Variants in EXOC6 observed in about 807,000 individuals in gnomAD.
The protein encoded by EXOC6 is SEC15-like 1.
EXOC6 carries 60 observed loss-of-function variants against 112.5 expected under a neutral mutation model. That is an observed-to-expected ratio of 0.53 (90% confidence interval 0.43 to 0.66). EXOC6 has a LOEUF of 0.66. EXOC6 is among the 30% of genes least tolerant of loss of function. The pLI is 0.00. For synonymous variants in EXOC6, 295 were observed against 308.0 expected, an observed-to-expected ratio of 0.96 and a Z score of 0.44; for missense variants, 855 against 957.1, an observed-to-expected ratio of 0.89 and a Z score of 1.41.
At chr10:92,985,272 G>A (rs1564887296) in intron 18 of EXOC6, among the ~76,000 whole-genome samples, 1 of 151,952 alleles carries the variant, frequency 6.6e-6, no homozygotes, top group African/African-American at 2.4e-5. Flanking sequence ...TTTCCATCCC[G>A]TTTCTCATTT....
chr10:92,954,814 C>A, intron 16 of EXOC6, 73 bp downstream of exon 16: 1 of 688,526 alleles, frequency 1.5e-6, no homozygotes, highest in South Asian at 1.9e-5. Flanking sequence ...TGCTGAACGT[C>A]ATTCTGTAAA....
chr10:92,967,773 G>C (rs1842127830), intron 17 of EXOC6, among the ~76,000 whole-genome samples: 1 of 152,174 alleles, frequency 6.6e-6, no homozygotes, highest in African/African-American at 2.4e-5. Flanking sequence ...TCTTTGCCTG[G>C]CGATAGAAGG....
intron 1 of EXOC6, among the ~76,000 whole-genome samples, chr10:92,862,642 TTATAGCAGTCCATA>T (rs1425261919): frequency 6.6e-6 from 1 of 152,198 alleles, no homozygotes; most frequent in Non-Finnish European, 1.5e-5. Flanking sequence ...CAGTATTTAG[TTATAGCAGTCCATA>T]TGGACTGCTA....
chr10:92,853,340 A>G (rs1438865409), intron 1 of EXOC6, among the ~76,000 whole-genome samples: 1 of 152,218 alleles, frequency 6.6e-6, no homozygotes, highest in Non-Finnish European at 1.5e-5. Flanking sequence ...CTAGATATTC[A>G]AGATAATCTG....
Position 92,893,474 on chromosome 10 carries a change from C to A in EXOC6, c.227C>A (p.Ala76Asp). 1 of 1,612,242 alleles carries A rather than the reference C, an allele frequency of 6.2e-7. No individual in the cohort carries two copies. The highest frequency in any genetic ancestry group is 8.5e-7 in the Non-Finnish European group (1 of 1,178,994). ...CNFHHQGFVD[A>D]ITELLKVRTD... ...TTTCATCATCAGGGTTTTGTAGATG[C>A]TATTACAGAACTCCTTAAAGTAAGG... Residue 76 changes from alanine to aspartate, a missense_variant, in exon 2 of 22, where the codon GCT (alanine) becomes GAT (aspartate). This residue lies in a region of EXOC6 where 405 missense variants were observed against 393.6 expected (regional missense o/e 1.03). Coordinates refer to ENST00000260762, the MANE Select transcript of EXOC6 (RefSeq NM_019053.6).
intron 19 of EXOC6, among the ~76,000 whole-genome samples, chr10:93,000,907 C>A (rs1032534369): frequency 1.3e-5 from 2 of 151,976 alleles, no homozygotes; most frequent in African/African-American, 4.8e-5. Flanking sequence ...ATATATAAAT[C>A]GTTTAAAAAA....
chr10:93,006,785 A>G (rs926374829), intron 19 of EXOC6, among the ~76,000 whole-genome samples: 1 of 152,250 alleles, frequency 6.6e-6, no homozygotes, highest in Admixed American at 6.5e-5. Context: ...TGAAATTACA[A>G]GAAGTATCTT....
chr10:92,988,187 C>T (rs958097616), intron 18 of EXOC6, among the ~76,000 whole-genome samples: 2 of 152,192 alleles, frequency 1.3e-5, no homozygotes, highest in African/African-American at 4.8e-5. Flanking sequence ...ATTTCTTTCT[C>T]ATCCCAGCCC....
intron 8 of EXOC6, among the ~76,000 whole-genome samples, chr10:92,920,773 G>A (rs1273893830): frequency 2.0e-5 from 3 of 152,108 alleles, no homozygotes; most frequent in South Asian, 4.1e-4. Flanking sequence ...GGCCTTGTTG[G>A]CAGGTGAATA....
chr10:92,979,687 T>C (rs1367509287), intron 18 of EXOC6, among the ~76,000 whole-genome samples: 1 of 152,112 alleles, frequency 6.6e-6, no homozygotes, highest in Non-Finnish European at 1.5e-5. Context: ...CCCAACACTT[T>C]GGGAGGCTGA....
intron 1 of EXOC6, among the ~76,000 whole-genome samples, chr10:92,865,840 A>G (rs982327950): frequency 7.9e-5 from 12 of 152,152 alleles, no homozygotes; most frequent in African/African-American, 2.9e-4. Flanking sequence ...TATCTACTGT[A>G]TTCTTACAAT....
chr10:93,049,344 A>G (rs1008482572), intron 20 of EXOC6, among the ~76,000 whole-genome samples: 1 of 152,146 alleles, frequency 6.6e-6, no homozygotes, highest in Non-Finnish European at 1.5e-5. Context: ...TACAGGCGTG[A>G]GCCACCGTGC....
At chr10:92,943,710 A>T (rs79991971) in intron 13 of EXOC6, among the ~76,000 whole-genome samples, 9 of 146,214 alleles carry the variant, frequency 6.2e-5, no homozygotes, top group Non-Finnish European at 1.1e-4. Context: ...TCACGTACTT[A>T]TTTTTTTTTT....
intron 8 of EXOC6, among the ~76,000 whole-genome samples, chr10:92,926,859 TG>T (rs1475409892): frequency 6.6e-6 from 1 of 152,198 alleles, no homozygotes; most frequent in Non-Finnish European, 1.5e-5. Flanking sequence ...GAGTGATGGC[TG>T]GATATGTTTA....
intron 6 of EXOC6, among the ~76,000 whole-genome samples, chr10:92,910,529 A>G (rs1309546750): frequency 1.3e-5 from 2 of 152,336 alleles, no homozygotes; most frequent in Middle Eastern, 3.4e-3. Flanking sequence ...ATACCATGAT[A>G]AAAATGTATT....
intron 17 of EXOC6, among the ~76,000 whole-genome samples, chr10:92,970,274 A>G (rs975556037): frequency 1.3e-5 from 2 of 152,244 alleles, no homozygotes; most frequent in South Asian, 4.1e-4. Flanking sequence ...TGTACTGAAC[A>G]TGTACAGACT....
intron 20 of EXOC6, among the ~76,000 whole-genome samples, chr10:93,054,557 A>G (rs930382774): frequency 6.6e-6 from 1 of 152,272 alleles, no homozygotes; most frequent in African/African-American, 2.4e-5. Flanking sequence ...AGAGATTTGC[A>G]TATGAGTATC....
chr10:93,009,291 C>T (rs1036047013), intron 19 of EXOC6, among the ~76,000 whole-genome samples: 1 of 152,188 alleles, frequency 6.6e-6, no homozygotes, highest in African/African-American at 2.4e-5. Context: ...TTCTCTTGGA[C>T]AGCACCATTC....
chr10:92,882,628 A>G (rs2133773250), intron 1 of EXOC6, among the ~76,000 whole-genome samples: 2 of 151,596 alleles, frequency 1.3e-5, no homozygotes, highest in African/African-American at 4.8e-5. Flanking sequence ...ATGTGGCTTT[A>G]TGAAAAAAGA....
Sources: allele counts gnomAD v4.1 joint callset (sites outside exome capture counted in the v4.1 genomes callset), GRCh38; gene constraint gnomAD v4.1.1; regional missense constraint gnomAD v4.1.1; transcripts MANE v1.5; gene names NCBI Gene and HGNC (gene_info 2026-07-23, HGNC 2026-07-21).